ARSB: variants seen among roughly 807,000 people sequenced by gnomAD.
ARSB encodes the protein N-acetylgalactosamine-4-sulfatase.
In ARSB, 41 loss-of-function variants were observed where a neutral mutation model predicts 50.9. That is an observed-to-expected ratio of 0.81 (90% CI 0.63 to 1.04). The LOEUF is 1.04. Among genes scored for constraint, ARSB ranks in the 50% least tolerant of loss-of-function variants. ARSB has a pLI of 0.00. For synonymous variants in ARSB, 269 were observed against 284.8 expected, an observed-to-expected ratio of 0.94 and a Z score of 0.56; for missense variants, 672 against 693.3, an observed-to-expected ratio of 0.97 and a Z score of 0.35.
intron 4 of ARSB, among the ~76,000 whole-genome samples, chr5:78,942,133 C>T (rs947585881): frequency 1.6e-4 from 25 of 152,124 alleles, no homozygotes; most frequent in Non-Finnish European, 2.4e-4. Flanking sequence ...GTGATATCCC[C>T]TTTATCATTT....
intron 2 of ARSB, among the ~76,000 whole-genome samples, chr5:78,968,691 T>A (rs1038635011): frequency 1.3e-5 from 2 of 152,038 alleles, no homozygotes; most frequent in East Asian, 3.9e-4. Flanking sequence ...ATTAAAAAAA[T>A]AAAAAATCAA....
intron 6 of ARSB, among the ~76,000 whole-genome samples, chr5:78,784,527 A>G (rs1749026090): frequency 6.6e-6 from 1 of 152,202 alleles, no homozygotes; most frequent in East Asian, 1.9e-4. Context: ...CTAGGCCTAG[A>G]GTTTTCTTTG....
intron 5 of ARSB, among the ~76,000 whole-genome samples, chr5:78,860,878 GAAGAA>G (rs1444851808): frequency 6.6e-6 from 1 of 151,434 alleles, no homozygotes; most frequent in Non-Finnish European, 1.5e-5. Context: ...GACTAATAAA[GAAGAA>G]AAGAGAGAAG....
intron 4 of ARSB, among the ~76,000 whole-genome samples, chr5:78,900,733 T>G (rs868840208): frequency 6.6e-6 from 1 of 152,144 alleles, no homozygotes; most frequent in Non-Finnish European, 1.5e-5. Flanking sequence ...TCATGCCCTC[T>G]TCCTTCACCT....
chr5:78,985,307 G>C lies in ARSB; in HGVS notation c.-59C>G. On this transcript the variant is annotated 5_prime_UTR_variant, in exon 1 of 8. Transcript: ENST00000264914. ...CCACCAGCCCCTTGTACCGCTGATA[G>C]AATGAGGAACTGGGCTGCCGGGGCC... The C allele has an allele frequency of 3.2e-6, 4 of 1,236,874 alleles. No individual in the cohort carries two copies. Among genetic ancestry groups the C allele is most frequent in the South Asian group, 3.4e-5 (1 of 29,268 alleles). 76.6% of individuals were successfully genotyped at this position (1,236,874 alleles called of 1,614,324 possible). A position where few individuals can be genotyped will look rare whatever the true frequency, so the allele number is the denominator to read the frequency against.
chr5:78,916,495 T>C (rs185451052), intron 4 of ARSB, among the ~76,000 whole-genome samples: 3 of 152,200 alleles, frequency 2.0e-5, no homozygotes, highest in Non-Finnish European at 2.9e-5. Context: ...TGAGGACCCC[T>C]GGGAATCCTA....
intron 6 of ARSB, among the ~76,000 whole-genome samples, chr5:78,783,051 C>T (rs553137437): frequency 6.6e-6 from 1 of 152,170 alleles, no homozygotes; most frequent in African/African-American, 2.4e-5. Flanking sequence ...CCACAAGGGC[C>T]CTCACCTCAC....
At chr5:78,968,883 A>C (rs1264113101) in intron 2 of ARSB, 123 bp downstream of exon 2, 1 of 1,140,392 alleles carries the variant, frequency 8.8e-7, no homozygotes, top group Non-Finnish European at 1.3e-6. Context: ...GCCCCATTAC[A>C]GTGCCGACTG....
intron 5 of ARSB, among the ~76,000 whole-genome samples, chr5:78,860,077 T>C (rs1746352816): frequency 6.6e-6 from 1 of 152,208 alleles, no homozygotes; most frequent in Non-Finnish European, 1.5e-5. Flanking sequence ...TGCAACGTGG[T>C]GCTGAGAAGA....
intron 5 of ARSB, among the ~76,000 whole-genome samples, chr5:78,850,838 T>G (rs1421466437): frequency 6.6e-6 from 1 of 152,272 alleles, no homozygotes; most frequent in African/African-American, 2.4e-5. Context: ...TTTTCTAGTT[T>G]ATTTGCATAG....
At chr5:78,928,684 G>A (rs941271403) in intron 4 of ARSB, among the ~76,000 whole-genome samples, 2 of 152,042 alleles carry the variant, frequency 1.3e-5, no homozygotes, top group African/African-American at 4.8e-5. Context: ...TTCTTCCATC[G>A]AAGAATCAAA....
At chr5:78,968,451 C>G (rs1211451130) in intron 2 of ARSB, among the ~76,000 whole-genome samples, 3 of 151,616 alleles carry the variant, frequency 2.0e-5, no homozygotes, top group African/African-American at 7.3e-5. Flanking sequence ...GGGTTCATGC[C>G]CATTCTCCTG....
chr5:78,867,631 C>T (rs1474993393), intron 5 of ARSB, among the ~76,000 whole-genome samples: 1 of 152,158 alleles, frequency 6.6e-6, no homozygotes, highest in Non-Finnish European at 1.5e-5. Flanking sequence ...GGAAAACTCA[C>T]AAACAGAAAG....
intron 4 of ARSB, among the ~76,000 whole-genome samples, chr5:78,948,987 T>A (rs964058496): frequency 6.6e-6 from 1 of 152,162 alleles, no homozygotes; most frequent in Non-Finnish European, 1.5e-5. Flanking sequence ...TGTGGTGAAA[T>A]TCACATTACA....
At chr5:78,905,419 G>A (rs1346468017) in intron 4 of ARSB, among the ~76,000 whole-genome samples, 1 of 144,762 alleles carries the variant, frequency 6.9e-6, no homozygotes, top group East Asian at 2.1e-4. Flanking sequence ...TGAGCCTCTA[G>A]GTCTAGTTAA....
At chr5:78,908,381 C>T (rs115130088) in intron 4 of ARSB, among the ~76,000 whole-genome samples, 6 of 148,244 alleles carry the variant, frequency 4.0e-5, no homozygotes, top group African/African-American at 1.5e-4. Flanking sequence ...AAGTGGTTTA[C>T]CATATCAGGA....
Position 78,955,229 on chromosome 5 carries a change from A to G in ARSB, c.898+66T>C. ...ATGCTAACCGCTCCAATTTGTCTTC[A>G]TTCCACTTATCAAATACCATGTCCT... On this transcript the variant is annotated intron_variant, in intron 4 of 7. Transcript: ENST00000264914. 2.6e-6 allele frequency: 4 copies of G among 1,535,424 alleles called. No individual in the cohort carries two copies. In the South Asian group the frequency reaches 4.5e-5, roughly 17 times the overall value.
rs1292190328 is a variant in ARSB at position 78,778,534 on chromosome 5, C to G, written c.*1863G>C. On this transcript the variant is annotated 3_prime_UTR_variant, in exon 8 of 8. Transcript: ENST00000264914. ...TTTTCTCCCCCCACTGGAGAGGACG[C>G]TACAACCTTGCTATAGAGTGTCCTG... 1 of 152,198 alleles carries G rather than the reference C, an allele frequency of 6.6e-6. No homozygotes were observed. Among genetic ancestry groups the G allele is most frequent in the African/African-American group, 2.4e-5 (1 of 41,450 alleles). The allele number at this position is 152,198 out of a possible 1,614,324, so 9.4% of individuals were successfully genotyped here. A position where few individuals can be genotyped will look rare whatever the true frequency, so the allele number is the denominator to read the frequency against.
intron 4 of ARSB, among the ~76,000 whole-genome samples, chr5:78,946,360 A>G (rs1391709133): frequency 6.6e-6 from 1 of 152,252 alleles, no homozygotes; most frequent in Non-Finnish European, 1.5e-5. Context: ...AGCCTCCACA[A>G]AAAAACTATT....
Sources: allele counts gnomAD v4.1 joint callset (sites outside exome capture counted in the v4.1 genomes callset), GRCh38; gene constraint gnomAD v4.1.1; transcripts MANE v1.5; gene names NCBI Gene and HGNC (gene_info 2026-07-23, HGNC 2026-07-21).